Variants in UGT1A9 observed in about 807,000 individuals in gnomAD.
UGT1A9 encodes the protein UDP-glucuronosyltransferase 1A9.
A neutral mutation model predicts 45.0 loss-of-function variants in UGT1A9; 35 were observed. The observed-to-expected ratio is 0.78, with a 90% CI of 0.59 to 1.03. UGT1A9 has a LOEUF of 1.03. Among genes scored for constraint, UGT1A9 ranks in the 50% least tolerant of loss-of-function variants. UGT1A9 has a pLI of 0.00. For synonymous variants in UGT1A9, 278 were observed against 250.6 expected, an observed-to-expected ratio of 1.11 and a Z score of -1.03; for missense variants, 687 against 666.6, an observed-to-expected ratio of 1.03 and a Z score of -0.34.
At chr2:233,743,465 C>A in intron 1 of UGT1A9, 1 of 1,366,596 alleles carries the variant, frequency 7.3e-7, no homozygotes. Flanking sequence ...AAAACACCCC[C>A]AAAAGCTGGA....
chr2:233,711,861 T>C (rs1383080586), intron 1 of UGT1A9, among the ~76,000 whole-genome samples: 1 of 152,212 alleles, frequency 6.6e-6, no homozygotes, highest in Non-Finnish European at 1.5e-5. Flanking sequence ...AGCACAAGTA[T>C]GAGTGACTTT....
At position 233,719,697 on chromosome 2, in the gene UGT1A9, G is replaced by T. The variant is rs768448140; in HGVS notation, c.855+46908G>T. ...GAAGCCACTATCTCAGGTCTGTATT[G>T]GTGCCTTCATCCAATCAATGTTCCA... On this transcript the variant is annotated intron_variant, in intron 1 of 4. Coordinates refer to ENST00000354728, the MANE Select transcript of UGT1A9 (RefSeq NM_021027.3). 1.2e-5 allele frequency: 19 copies of T among 1,613,928 alleles called. No homozygotes were observed. In the South Asian group the frequency reaches 1.9e-4, roughly 16 times the overall value.
chr2:233,695,419 C>T (rs1453689683), intron 1 of UGT1A9, among the ~76,000 whole-genome samples: 2 of 138,724 alleles, frequency 1.4e-5, no homozygotes, highest in South Asian at 2.4e-4. Context: ...CTACCGCGCC[C>T]GGCCTTCTTC....
At chr2:233,738,718 T>G (rs912478722) in intron 1 of UGT1A9, among the ~76,000 whole-genome samples, 1 of 152,094 alleles carries the variant, frequency 6.6e-6, no homozygotes, top group Non-Finnish European at 1.5e-5. Flanking sequence ...AGCATAAAAG[T>G]TTGGAAAATT....
Position 233,690,372 on chromosome 2 carries a change from A to G in UGT1A9, c.855+17583A>G, listed in dbSNP as rs972097637. ...GCACCTTAGAAGCAAACCTCTCCAT[A>G]GGGTCCACGTTTCCAGACCTTCCTA... On this transcript the variant is annotated intron_variant, in intron 1 of 4. Transcript: ENST00000354728. 3.4e-6 allele frequency: 3 copies of G among 873,396 alleles called. No homozygotes were observed. In the Admixed American group the frequency reaches 8.6e-5, roughly 25 times the overall value. The allele number at this position is 873,396 out of a possible 1,614,324, so 54.1% of individuals were successfully genotyped here.
At chr2:233,735,244 A>C (rs1308474685) in intron 1 of UGT1A9, among the ~76,000 whole-genome samples, 1 of 152,060 alleles carries the variant, frequency 6.6e-6, no homozygotes, top group African/African-American at 2.4e-5. Context: ...CTTGTTGTTG[A>C]ATTGCTCCCT....
At chr2:233,721,253 T>C (rs373881377) in intron 1 of UGT1A9, among the ~76,000 whole-genome samples, 4 of 152,188 alleles carry the variant, frequency 2.6e-5, no homozygotes, top group East Asian at 3.9e-4. Flanking sequence ...AAAATATATA[T>C]GTTCTTTAGC....
intron 1 of UGT1A9, chr2:233,729,450 G>C (rs1394250627): frequency 3.1e-6 from 5 of 1,614,082 alleles, no homozygotes; most frequent in Non-Finnish European, 3.4e-6. Flanking sequence ...ATTTTCTGAA[G>C]AAATTTTTCA....
chr2:233,734,123 A>ATAAT (rs1384319848), intron 1 of UGT1A9, among the ~76,000 whole-genome samples: 1 of 151,918 alleles, frequency 6.6e-6, no homozygotes, highest in Non-Finnish European at 1.5e-5. Context: ...AATAATAATA[A>ATAAT]AAAGAATTTG....
At position 233,672,521 on chromosome 2, in the gene UGT1A9, G is replaced by C; in HGVS notation, c.587G>C (p.Gly196Ala). 1 of 1,613,872 alleles carries C rather than the reference G, an allele frequency of 6.2e-7. No individual in the cohort carries two copies. Among genetic ancestry groups the C allele is most frequent in the African/African-American group, 1.3e-5 (1 of 75,006 alleles). ...PLSYVPRILL[G>A]FSDAMTFKER... ...TCCTATGTCCCCAGAATTCTCTTAGGGTTCTCAGATGCCATGACTTTCAAG... is the reference window on the plus strand; with the variant it reads ...TCCTATGTCCCCAGAATTCTCTTAGCGTTCTCAGATGCCATGACTTTCAAG... Residue 196 changes from glycine (G) to alanine (A), a missense_variant, in exon 1 of 5, where the codon GGG becomes GCG. Physicochemically the swap from Gly to Ala is moderately conservative, Grantham distance 60 (BLOSUM62 0). Coordinates refer to ENST00000354728, the MANE Select transcript of UGT1A9 (RefSeq NM_021027.3).
At chr2:233,763,481 G>T (rs1698320129) in intron 1 of UGT1A9, among the ~76,000 whole-genome samples, 1 of 152,170 alleles carries the variant, frequency 6.6e-6, no homozygotes, top group Non-Finnish European at 1.5e-5. Context: ...AGATTTGATT[G>T]TAACTCTCTC....
intron 1 of UGT1A9, chr2:233,693,911 C>T: frequency 6.2e-7 from 1 of 1,612,432 alleles, no homozygotes; most frequent in Non-Finnish European, 8.5e-7. Flanking sequence ...CTTCCAGGCT[C>T]TGTCCTCCCT....
intron 1 of UGT1A9, among the ~76,000 whole-genome samples, chr2:233,686,425 G>A (rs776332125): frequency 1.3e-5 from 2 of 152,056 alleles, no homozygotes; most frequent in Non-Finnish European, 2.9e-5. Flanking sequence ...ATAAACACAC[G>A]CATGCTTGAC....
At chr2:233,747,950 G>A in intron 1 of UGT1A9, 1 of 1,613,378 alleles carries the variant, frequency 6.2e-7, no homozygotes, top group Non-Finnish European at 8.5e-7. Flanking sequence ...TGTCAGTGGT[G>A]GATCTTCTCA....
chr2:233,713,474 G>A, intron 1 of UGT1A9: 1 of 1,614,060 alleles, frequency 6.2e-7, no homozygotes, highest in South Asian at 1.1e-5. Flanking sequence ...CGGCGGTGCT[G>A]GCTAAGTACC....
chr2:233,698,976 C>G (rs1363458651), intron 1 of UGT1A9, among the ~76,000 whole-genome samples: 1 of 152,218 alleles, frequency 6.6e-6, no homozygotes, highest in Non-Finnish European at 1.5e-5. Flanking sequence ...AGCCCTTTGG[C>G]CACCCAGGTG....
intron 1 of UGT1A9, among the ~76,000 whole-genome samples, chr2:233,695,470 T>C (rs763759412): frequency 6.6e-6 from 1 of 151,968 alleles, no homozygotes; most frequent in Non-Finnish European, 1.5e-5. Context: ...ATTGGCCCTT[T>C]AGATGTTTTT....
chr2:233,756,139 A>C lies in UGT1A9; in HGVS notation c.856-10895A>C, dbSNP rs548564023. ...CTTTGTAAAATTCTCCTGAAAAATT[A>C]CTGGGGATCCCTAGGATTTCCTGGC... On this transcript the variant is annotated intron_variant, in intron 1 of 4. Coordinates refer to ENST00000354728, the MANE Select transcript of UGT1A9 (RefSeq NM_021027.3). 16 of 152,358 alleles carry C rather than the reference A, an allele frequency of 1.1e-4. No individual in the cohort carries two copies. In the East Asian group the frequency reaches 1.4e-3, roughly 13 times the overall value. 9.4% of individuals were successfully genotyped at this position (152,358 alleles called of 1,614,324 possible). A position where few individuals can be genotyped will look rare whatever the true frequency, so the allele number is the denominator to read the frequency against.
intron 1 of UGT1A9, chr2:233,692,794 A>G: frequency 7.3e-7 from 1 of 1,378,838 alleles, no homozygotes; most frequent in Non-Finnish European, 9.4e-7. Context: ...GTGAAAGCTG[A>G]CACGGCCATA....
Sources: gnomAD v4.1 joint callset for allele counts (sites outside exome capture counted in the v4.1 genomes callset) on GRCh38, gnomAD v4.1.1 for gene constraint, MANE v1.5 for transcripts, NCBI Gene and HGNC (gene_info 2026-07-23, HGNC 2026-07-21) for gene names.